The following MICAL3 variants were observed in gnomAD, a reference collection of about 807,000 sequenced individuals.
MICAL3 encodes the protein microtubule associated monooxygenase, calponin and LIM domain containing 3.
Under a neutral mutation model 207.4 loss-of-function variants are expected in MICAL3, and 62 were observed. The ratio of observed to expected loss-of-function variants is 0.30; its 90% CI spans 0.24 to 0.37. The LOEUF (loss-of-function observed/expected upper bound fraction) is 0.37. MICAL3 is among the 10% of genes least tolerant of loss of function. The pLI is 1.00. For synonymous variants in MICAL3, 1,077 were observed against 1,069.3 expected, an observed-to-expected ratio of 1.01 and a Z score of -0.14; for missense variants, 2,368 against 2,635.6, an observed-to-expected ratio of 0.90 and a Z score of 2.22.
intron 1 of MICAL3, among the ~76,000 whole-genome samples, chr22:17,985,455 C>T (rs368126874): frequency 3.9e-5 from 6 of 152,180 alleles, no homozygotes; most frequent in African/African-American, 1.2e-4. Context: ...TTCCACAAAA[C>T]TACAAGGTCC....
intron 1 of MICAL3, among the ~76,000 whole-genome samples, chr22:17,981,497 G>C (rs899474026): frequency 1.3e-5 from 2 of 148,354 alleles, no homozygotes; most frequent in Non-Finnish European, 3.0e-5. Flanking sequence ...AAAATACTAA[G>C]TTTAAACTGC....
chr22:17,926,711 G>A (rs1010751417), intron 1 of MICAL3, among the ~76,000 whole-genome samples: 1 of 152,216 alleles, frequency 6.6e-6, no homozygotes, highest in Non-Finnish European at 1.5e-5. Context: ...GGCCGGAGGC[G>A]TGGGCGTGCA....
chr22:17,960,853 G>A (rs574177747), intron 1 of MICAL3, among the ~76,000 whole-genome samples: 9 of 152,288 alleles, frequency 5.9e-5, no homozygotes, highest in Admixed American at 2.0e-4. Flanking sequence ...GAGCCAGCAC[G>A]GGGTCACTGG....
Position 17,817,939 on chromosome 22 carries a change from C to T in MICAL3, c.4722G>A (p.Thr1574=), listed in dbSNP as rs200708295. 61 of 1,612,432 alleles carry T rather than the reference C, an allele frequency of 3.8e-5. No homozygotes were observed. The East Asian group carries it at 1.3e-3, about 34-fold the overall frequency. The part of the protein sequence containing the change: ...ENGRLPALEG[T]LQPQKRGLPL... ...GCAGCCCCCTCTTCTGTGGCTGCAGCGTCCCCTCCAGAGCAGGCAGCCTCC... is the reference window on the plus strand; with the variant it reads ...GCAGCCCCCTCTTCTGTGGCTGCAGTGTCCCCTCCAGAGCAGGCAGCCTCC... The change falls in exon 26 of 32, where the codon ACG becomes ACA. Residue 1574 remains threonine (T), a synonymous_variant. Coordinates refer to ENST00000441493, the MANE Select transcript of MICAL3 (RefSeq NM_015241.3).
intron 6 of MICAL3, among the ~76,000 whole-genome samples, chr22:17,900,000 T>C (rs543012310): frequency 1.3e-5 from 2 of 152,180 alleles, no homozygotes; most frequent in African/African-American, 4.8e-5. Flanking sequence ...AAAAAATAGA[T>C]GTAATGAAAA....
chr22:17,893,061 CA>C (rs910825991), intron 11 of MICAL3, among the ~76,000 whole-genome samples: 1 of 152,330 alleles, frequency 6.6e-6, no homozygotes, highest in African/African-American at 2.4e-5. Flanking sequence ...AATCGAAGTT[CA>C]GAGCTATTCA....
At chr22:18,008,357 A>C (rs1206825426) in intron 1 of MICAL3, among the ~76,000 whole-genome samples, 4 of 152,224 alleles carry the variant, frequency 2.6e-5, no homozygotes, top group African/African-American at 7.2e-5. Flanking sequence ...ATTCAGCTTT[A>C]AGCAATCTCC....
chr22:17,827,741 A>G lies in MICAL3; in HGVS notation c.3096T>C (p.Asp1032=). Residue 1032 remains aspartate, a synonymous_variant, in exon 22 of 32, where the codon GAT becomes GAC. Coordinates refer to ENST00000441493, the MANE Select transcript of MICAL3 (RefSeq NM_015241.3). ...QRLQQVMHAA[D]PLEIQADVHW... ...GCACGTCAGCCTGGATCTCCAGAGG[A>G]TCCGCCGCGTGCATGACCTGCTGGA... 6.4e-7 allele frequency: 1 copy of G among 1,562,064 alleles called. No homozygotes were observed. The highest frequency in any genetic ancestry group is 8.7e-7 in the Non-Finnish European group (1 of 1,153,396).
At chr22:18,014,349 C>G (rs1923924828) in intron 1 of MICAL3, among the ~76,000 whole-genome samples, 1 of 152,150 alleles carries the variant, frequency 6.6e-6, no homozygotes, top group Non-Finnish European at 1.5e-5. Context: ...ATGTAGCAAA[C>G]CAAAGGTTCA....
In MICAL3 at chr22:17,887,414, T is replaced by C. The variant is rs1334370718; in HGVS notation, c.1913A>G (p.Glu638Gly). 1 of 1,613,594 alleles carries C rather than the reference T, an allele frequency of 6.2e-7. No homozygotes were observed. The highest frequency in any genetic ancestry group is 8.5e-7 in the Non-Finnish European group (1 of 1,179,742). ...GCTGGCTATCAGGACTGCTTTCTCCTCGGCATTTAGGTCCAAGGTGTCTGG... is the reference window on the plus strand; with the variant it reads ...GCTGGCTATCAGGACTGCTTTCTCCCCGGCATTTAGGTCCAAGGTGTCTGG... The part of the protein sequence containing the change: ...PSSDTLDLNA[E>G]EKAVLIASTR... Residue 638 changes from glutamate to glycine, a missense_variant, in exon 14 of 32, where the codon GAG becomes GGG. Transcript: ENST00000441493.
intron 29 of MICAL3, among the ~76,000 whole-genome samples, chr22:17,791,955 T>C (rs1437349632): frequency 6.6e-6 from 1 of 152,200 alleles, no homozygotes; most frequent in East Asian, 1.9e-4. Context: ...AGAGAAACAC[T>C]AGCAGCCCCT....
At chr22:17,887,006 A>G (rs1264797375) in intron 15 of MICAL3, among the ~76,000 whole-genome samples, 164 bp downstream of exon 15, 5 of 149,192 alleles carry the variant, frequency 3.4e-5, no homozygotes, top group African/African-American at 7.4e-5. Flanking sequence ...AAAAAAAAAA[A>G]AAAAAAAAAA....
In MICAL3 at chr22:17,978,418, T is replaced by C. The variant is rs1018461810; in HGVS notation, c.-75+45863A>G. Among the ~76,000 whole-genome samples the C allele has an allele frequency of 5.3e-5, 8 of 152,170 alleles. 1 individual carries two copies. The highest frequency in any genetic ancestry group is 1.0e-4 in the Non-Finnish European group (7 of 68,048). ...AGAAGGTAACAGTAACTCCTATGGG[T>C]ACAAGGCTTCTTTTGGGGATGATAA... On this transcript the variant is annotated intron_variant, in intron 1 of 31. Transcript: ENST00000441493.
chr22:17,834,945 C>T (rs1342897330), intron 20 of MICAL3, among the ~76,000 whole-genome samples: 2 of 152,222 alleles, frequency 1.3e-5, no homozygotes, highest in Non-Finnish European at 2.9e-5. Flanking sequence ...TTCCTCTTTC[C>T]CAGCTGAGCA....
At chr22:17,906,969 G>T in intron 1 of MICAL3, 83 bp from the exon 2 acceptor site, 1 of 710,644 alleles carries the variant, frequency 1.4e-6, no homozygotes, top group Non-Finnish European at 2.3e-6. Flanking sequence ...TCAAAGCAGA[G>T]TTCTAAAGTG....
chr22:17,842,493 G>A (rs1924125595), intron 19 of MICAL3: 2 of 175,298 alleles, frequency 1.1e-5, no homozygotes, highest in Admixed American at 5.4e-5. Context: ...CCACCACTGA[G>A]GGGGCCTGGC....
At chr22:17,895,606 G>A (rs1466934979) in intron 9 of MICAL3, among the ~76,000 whole-genome samples, 196 bp from the exon 10 acceptor site, 3 of 151,870 alleles carry the variant, frequency 2.0e-5, no homozygotes, top group Non-Finnish European at 2.9e-5. Context: ...GAACCGACCG[G>A]GTAAGAGCCG....
intron 19 of MICAL3, among the ~76,000 whole-genome samples, chr22:17,844,386 C>T (rs967693363): frequency 2.6e-5 from 4 of 152,218 alleles, no homozygotes; most frequent in African/African-American, 7.2e-5. Flanking sequence ...TGTAGCACGA[C>T]AGGTTGTGCA....
chr22:17,898,272 G>A (rs1342933325), intron 7 of MICAL3, among the ~76,000 whole-genome samples: 1 of 152,214 alleles, frequency 6.6e-6, no homozygotes, highest in Non-Finnish European at 1.5e-5. Flanking sequence ...CTTACTGACA[G>A]CAATGTAACC....
Sources: allele counts gnomAD v4.1 joint callset (sites outside exome capture counted in the v4.1 genomes callset), GRCh38; gene constraint gnomAD v4.1.1; transcripts MANE v1.5; gene names NCBI Gene and HGNC (gene_info 2026-07-23, HGNC 2026-07-21).